RAP1GAP2: variants seen among roughly 807,000 people sequenced by gnomAD.
RAP1GAP2 encodes the protein rap1 GTPase-activating protein 2.
Under a neutral mutation model 95.0 loss-of-function variants are expected in RAP1GAP2, and 27 were observed. The ratio of observed to expected loss-of-function variants is 0.28; its 90% CI spans 0.21 to 0.39. RAP1GAP2 has a LOEUF of 0.39. RAP1GAP2 is among the 10% of genes least tolerant of loss of function. RAP1GAP2 has a pLI of 1.00. For missense variants in RAP1GAP2, 771 were observed against 970.0 expected, an observed-to-expected ratio of 0.79 and a Z score of 2.72; for synonymous variants, 373 against 380.9, an observed-to-expected ratio of 0.98 and a Z score of 0.24.
chr17:2,833,881 C>T (rs1276791150), intron 2 of RAP1GAP2, among the ~76,000 whole-genome samples: 2 of 151,944 alleles, frequency 1.3e-5, no homozygotes, highest in African/African-American at 4.8e-5. Flanking sequence ...TAGGAGTGTA[C>T]ATGTTGCTTG....
rs142802265 is a variant in RAP1GAP2, at chr17:2,905,662, C to T, written c.165+294C>T. 2.3e-3 allele frequency among the ~76,000 whole-genome samples: 344 copies of T among 152,254 alleles called. 2 individuals are homozygous for T. Among genetic ancestry groups the T allele is most frequent in the African/African-American group, 7.7e-3 (320 of 41,546 alleles). ...ACAAGGGGCCCAGCCAGGAGGAAGC[C>T]GGGGGATAGAAGGCAGCTGCCCAGA... is the stretch of plus-strand genomic sequence containing the variant. On this transcript the variant is annotated intron_variant, in intron 3 of 24. Coordinates refer to ENST00000254695, the MANE Select transcript of RAP1GAP2 (RefSeq NM_015085.5).
At chr17:2,900,482 C>T (rs150918428) in intron 2 of RAP1GAP2, among the ~76,000 whole-genome samples, 127 of 152,134 alleles carry the variant, frequency 8.3e-4, no homozygotes, top group Middle Eastern at 6.8e-3. Context: ...GCTCTTGTTG[C>T]CCAGGCTGGA....
intron 17 of RAP1GAP2, among the ~76,000 whole-genome samples, chr17:3,016,979 G>T (rs1313875927): frequency 6.6e-6 from 1 of 152,148 alleles, no homozygotes; most frequent in Non-Finnish European, 1.5e-5. Flanking sequence ...TGATCAAAGG[G>T]TTACTGGAGA....
intron 3 of RAP1GAP2, among the ~76,000 whole-genome samples, chr17:2,937,767 G>A (rs527591987): frequency 3.1e-4 from 47 of 152,338 alleles, no homozygotes; most frequent in Non-Finnish European, 4.6e-4. Flanking sequence ...TCCAAAGGAA[G>A]TGAGGTGGTG....
chr17:2,942,544 C>G (rs2043536642), intron 3 of RAP1GAP2, among the ~76,000 whole-genome samples: 1 of 152,202 alleles, frequency 6.6e-6, no homozygotes, highest in African/African-American at 2.4e-5. Context: ...GCTTGCCTTT[C>G]TGCTGGACAG....
intron 2 of RAP1GAP2, among the ~76,000 whole-genome samples, chr17:2,885,409 C>A (rs2073459963): frequency 6.6e-6 from 1 of 152,188 alleles, no homozygotes. Context: ...CAACAGAGCC[C>A]CTGAGCACCT....
intron 2 of RAP1GAP2, among the ~76,000 whole-genome samples, chr17:2,894,584 C>T (rs2073825179): frequency 6.6e-6 from 1 of 152,100 alleles, no homozygotes; most frequent in Admixed American, 6.6e-5. Flanking sequence ...TTGGGTGTCC[C>T]AGGGGCCCCT....
intron 18 of RAP1GAP2, among the ~76,000 whole-genome samples, chr17:3,019,609 A>T (rs2046887269): frequency 6.6e-6 from 1 of 152,210 alleles, no homozygotes; most frequent in Admixed American, 6.5e-5. Context: ...CTCACCATGG[A>T]ACTAATTATG....
At position 2,995,319 on chromosome 17, in the gene RAP1GAP2, G is replaced by A; in HGVS notation, c.915-18G>A. On this transcript the variant is annotated intron_variant, in intron 12 of 24. Transcript: ENST00000254695. The stretch of plus-strand genomic sequence containing the variant: ...TCACTCTCTTTTCTCCCCATCTCCT[G>A]CCCTGTTTTGTTGACAGTTTCCGAG... 4 of 1,612,014 alleles carry A rather than the reference G, an allele frequency of 2.5e-6. No individual in the cohort carries two copies. Among genetic ancestry groups the A allele is most frequent in the Non-Finnish European group, 3.4e-6 (4 of 1,178,286 alleles).
At chr17:2,853,936 G>A (rs1181212357) in intron 2 of RAP1GAP2, 5 of 981,788 alleles carry the variant, frequency 5.1e-6, no homozygotes, top group Non-Finnish European at 6.0e-6. Flanking sequence ...TGCGGAGCGC[G>A]CGGAGCCGGG....
intron 1 of RAP1GAP2, among the ~76,000 whole-genome samples, chr17:2,787,646 C>A (rs1368579122): frequency 2.6e-5 from 4 of 152,160 alleles, no homozygotes; most frequent in African/African-American, 9.7e-5. Flanking sequence ...CAGCTCACTG[C>A]AAGCTGCCTC....
intron 3 of RAP1GAP2, among the ~76,000 whole-genome samples, chr17:2,941,839 C>T (rs564190669): frequency 9.9e-5 from 15 of 152,144 alleles, no homozygotes; most frequent in South Asian, 2.1e-4. Context: ...TGTGCCACCA[C>T]GCCTGGCTAA....
rs191059711 is a variant in RAP1GAP2 at position 3,026,248 on chromosome 17, C to T, written c.1866-102C>T. 3.0e-5 allele frequency: 39 copies of T among 1,301,002 alleles called. No individual in the cohort carries two copies. The Middle Eastern group carries it at 6.1e-4, about 20-fold the overall frequency. The allele number at this position is 1,301,002 out of a possible 1,614,324, so 80.6% of individuals were successfully genotyped here. ...GAACTCTCCAGAACACAAAGGCCGA[C>T]GGGTGGGGGCGTGGGGAGCCGCCAG... On this transcript the variant is annotated intron_variant, in intron 20 of 24. Transcript: ENST00000254695.
At chr17:2,800,382 G>T (rs1364754514) in intron 1 of RAP1GAP2, 133 bp from the exon 2 acceptor site, 8 of 1,323,730 alleles carry the variant, frequency 6.0e-6, no homozygotes, top group Non-Finnish European at 8.4e-6. Flanking sequence ...CGGAGAACTG[G>T]CCCCTTTAGC....
intron 3 of RAP1GAP2, among the ~76,000 whole-genome samples, chr17:2,939,862 G>A (rs1203520176): frequency 6.6e-6 from 1 of 152,282 alleles, no homozygotes; most frequent in Non-Finnish European, 1.5e-5. Context: ...GCCCGCGGCA[G>A]AGGACAGGTC....
chr17:2,912,669 C>G (rs1022215816), intron 3 of RAP1GAP2, among the ~76,000 whole-genome samples: 15 of 152,120 alleles, frequency 9.9e-5, no homozygotes, highest in African/African-American at 3.6e-4. Context: ...CTCTGTGGGT[C>G]CTGGGAGAGT....
In RAP1GAP2 at chr17:2,796,634, A is replaced by G; in HGVS notation, c.44+63A>G. On this transcript the variant is annotated intron_variant, in intron 1 of 24. Transcript: ENST00000254695. The surrounding 1 kb of genome is among the most constrained non-coding windows in gnomAD (Gnocchi z 4.7). ...AGAACTTAGAAGTGAAGTCTTGTTA[A>G]GTGCATTGGCGGCCGTGGGAACAGA... The G allele has an allele frequency of 2.0e-6, 3 of 1,537,338 alleles. No individual in the cohort carries two copies.
intron 2 of RAP1GAP2, among the ~76,000 whole-genome samples, chr17:2,833,777 G>C (rs1170296663): frequency 6.6e-6 from 1 of 151,494 alleles, no homozygotes; most frequent in Non-Finnish European, 1.5e-5. Context: ...CTCTAGACTT[G>C]AGTGAATCCT....
At chr17:2,995,165 C>G (rs888937906) in intron 12 of RAP1GAP2, among the ~76,000 whole-genome samples, 172 bp from the exon 13 acceptor site, 1 of 152,182 alleles carries the variant, frequency 6.6e-6, no homozygotes, top group Non-Finnish European at 1.5e-5. Context: ...GCTGATATAC[C>G]TGGAAGAACA....
Sources: gnomAD v4.1 joint callset for allele counts (sites outside exome capture counted in the v4.1 genomes callset) on GRCh38, gnomAD v4.1.1 for gene constraint, Gnocchi (gnomAD v3.1) non-coding constraint, MANE v1.5 for transcripts, NCBI Gene and HGNC (gene_info 2026-07-23, HGNC 2026-07-21) for gene names.